Variants in CROCC2 observed in about 807,000 individuals in gnomAD.
CROCC2 encodes the protein ciliary rootlet coiled-coil, rootletin family member 2.
A neutral mutation model predicts 177.6 loss-of-function variants in CROCC2; 163 were observed. The observed-to-expected ratio is 0.92, with a 90% CI of 0.81 to 1.05. The LOEUF (loss-of-function observed/expected upper bound fraction) is 1.05, where lower values mean the gene tolerates loss of function less well. Ranked by LOEUF, CROCC2 falls within the 50% of genes least tolerant of loss-of-function variation. The pLI is 0.00. For missense variants in CROCC2, 1,929 were observed against 1,797.8 expected (o/e 1.07, Z -1.32); for synonymous variants, 904 against 787.3 (o/e 1.15, Z -2.48).
At position 240,917,408 on chromosome 2, in the gene CROCC2, G is replaced by A. The variant is rs1163294258; in HGVS notation, c.79-1318G>A. Among the ~76,000 whole-genome samples, 1 of 152,176 alleles carries A rather than the reference G, an allele frequency of 6.6e-6. No homozygotes were observed. The highest frequency in any genetic ancestry group is 1.5e-5 in the Non-Finnish European group (1 of 68,004). On this transcript the variant is annotated intron_variant, in intron 1 of 31. Transcript: ENST00000690015. The surrounding 1 kb of genome is among the most constrained non-coding windows in gnomAD (Gnocchi z 4.9). ...GTGCAGGAGGCCTGGCTGGGGTTGG[G>A]AGGAGGGTGGGGGAGCAGGGCACAG...
At position 240,946,973 on chromosome 2, in the gene CROCC2, G is replaced by A. The variant is rs531131738; in HGVS notation, c.2363+720G>A. ...CTCCCAGAAGTTGGGACGGGCACTCGCAGGCAAGAACAGGATGTGTGTAGG... is the reference window on the plus strand; with the variant it reads ...CTCCCAGAAGTTGGGACGGGCACTCACAGGCAAGAACAGGATGTGTGTAGG... On this transcript the variant is annotated intron_variant, in intron 15 of 31. Transcript: ENST00000690015. Among the ~76,000 whole-genome samples, 9 of 152,386 alleles carry A rather than the reference G, an allele frequency of 5.9e-5. No homozygotes were observed. The East Asian group carries it at 1.5e-3, about 26-fold the overall frequency.
chr2:240,950,536 G>A (rs2059548287), intron 18 of CROCC2, 26 bp downstream of exon 18: 1 of 1,535,678 alleles, frequency 6.5e-7, no homozygotes, highest in Admixed American at 2.0e-5. Context: ...GGGGGCAGCG[G>A]GATTGCTCAC....
chr2:240,971,132 C>T (rs1458483680), intron 27 of CROCC2, among the ~76,000 whole-genome samples: 18 of 152,202 alleles, frequency 1.2e-4, no homozygotes, highest in African/African-American at 4.3e-4. Context: ...ACCCCACGCC[C>T]CCCATCTCCA....
chr2:240,990,470 A>G (rs1462051625), intron 30 of CROCC2, among the ~76,000 whole-genome samples: 1 of 152,226 alleles, frequency 6.6e-6, no homozygotes, highest in Non-Finnish European at 1.5e-5. Flanking sequence ...AGGTGACCTG[A>G]CTGCCCAGTG....
intron 18 of CROCC2, chr2:240,955,507 G>C: frequency 4.2e-6 from 1 of 236,470 alleles, no homozygotes; most frequent in South Asian, 1.1e-4. Flanking sequence ...TGCCTAGAGG[G>C]ATGGGGGTGG....
At chr2:240,952,622 G>A (rs374828525) in intron 18 of CROCC2, among the ~76,000 whole-genome samples, 4 of 152,340 alleles carry the variant, frequency 2.6e-5, no homozygotes, top group African/African-American at 4.8e-5. Flanking sequence ...TGGAGAGGAC[G>A]TGGACATTGG....
intron 20 of CROCC2, among the ~76,000 whole-genome samples, chr2:240,962,283 G>C (rs536833279): frequency 1.3e-5 from 2 of 151,594 alleles, no homozygotes; most frequent in East Asian, 3.9e-4. Context: ...TCATGAGGCA[G>C]AGGGAGCGGG....
rs1030580411 is a variant in CROCC2 at position 240,935,419 on chromosome 2, G to A, written c.2000G>A (p.Arg667Gln). Residue 667 changes from arginine (R) to glutamine (Q), a missense_variant, in exon 14 of 32, where the codon CGG becomes CAG. Transcript: ENST00000690015. ...QRKTLEQERA[R>Q]AGEQLAQAEQ... is the part of the protein sequence containing the mutation. ...AAGACTCTGGAGCAGGAACGGGCCC[G>A]GGCCGGGGAGCAGCTGGCACAGGCG... is the stretch of plus-strand genomic sequence containing the variant. 4.2e-5 allele frequency: 58 copies of A among 1,377,032 alleles called. No individual in the cohort carries two copies. Among genetic ancestry groups the A allele is most frequent in the Middle Eastern group, 2.4e-4 (1 of 4,166 alleles). The allele number at this position is 1,377,032 out of a possible 1,614,324, so 85.3% of individuals were successfully genotyped here. A position where few individuals can be genotyped will look rare whatever the true frequency, so the allele number is the denominator to read the frequency against.
At chr2:240,912,121 C>T (rs975337313) in intron 1 of CROCC2, among the ~76,000 whole-genome samples, 5 of 152,160 alleles carry the variant, frequency 3.3e-5, no homozygotes, top group African/African-American at 7.2e-5. Context: ...TCCTCTCTGA[C>T]GTACGCACTT....
At chr2:240,957,429 G>C (rs2059598500) in intron 19 of CROCC2, 1 of 152,480 alleles carries the variant, frequency 6.6e-6, no homozygotes, top group Non-Finnish European at 1.5e-5. Context: ...CCAGGCGCGG[G>C]AGGCAGCCCC....
chr2:240,926,399 G>T (rs1180736432), intron 5 of CROCC2, among the ~76,000 whole-genome samples: 1 of 152,056 alleles, frequency 6.6e-6, no homozygotes, highest in East Asian at 1.9e-4. Flanking sequence ...AGGTGTTCAT[G>T]CCCTGCTCGG....
chr2:240,935,224 G>A, intron 13 of CROCC2, 134 bp from the exon 14 acceptor site: 3 of 1,196,086 alleles, frequency 2.5e-6, no homozygotes, highest in Non-Finnish European at 3.2e-6. Flanking sequence ...CAGGCCTGAG[G>A]GAGGGAAGAG....
chr2:240,926,858 G>A (rs972702456), intron 5 of CROCC2, among the ~76,000 whole-genome samples: 2 of 152,238 alleles, frequency 1.3e-5, no homozygotes, highest in African/African-American at 4.8e-5. Context: ...AGGAGTCATC[G>A]CCTATGCCAG....
intron 5 of CROCC2, among the ~76,000 whole-genome samples, chr2:240,927,296 G>A (rs750375613): frequency 1.3e-4 from 19 of 151,956 alleles, no homozygotes; most frequent in Non-Finnish European, 2.1e-4. Context: ...TGTTTATCCC[G>A]CTTTAGGGTT....
chr2:240,948,829 T>A, intron 15 of CROCC2, 150 bp from the exon 16 acceptor site: 1 of 740,678 alleles, frequency 1.4e-6, no homozygotes, highest in Non-Finnish European at 2.2e-6. Context: ...CAGCACATGG[T>A]GCTCCAGAGA....
intron 28 of CROCC2, among the ~76,000 whole-genome samples, chr2:240,987,563 T>C (rs2059848808): frequency 6.6e-6 from 1 of 152,220 alleles, no homozygotes; most frequent in Non-Finnish European, 1.5e-5. Flanking sequence ...ACTTTACCCA[T>C]GCAAATTATC....
In CROCC2 at chr2:240,961,794, C is replaced by T. The variant is rs1392415007; in HGVS notation, c.3088-1762C>T. 2.5e-5 allele frequency among the ~76,000 whole-genome samples: 3 copies of T among 122,170 alleles called. 1 individual carries two copies. The highest frequency in any genetic ancestry group is 5.0e-5 in the Non-Finnish European group (3 of 59,594). 80.1% of individuals were successfully genotyped at this position (122,170 alleles called of 152,430 possible). On this transcript the variant is annotated intron_variant, in intron 20 of 31. Coordinates refer to ENST00000690015, the MANE Select transcript of CROCC2 (RefSeq NM_001351305.2). ...CACACACACTCATCACACACACGCA[C>T]TCACACATACACTCACATACACTCA...
rs1380977205 is a variant in CROCC2, at chr2:240,953,126, G to C, written c.2829+2616G>C. On this transcript the variant is annotated intron_variant, in intron 18 of 31. Transcript: ENST00000690015. This position sits in a 1 kb window ranked among gnomAD's most constrained non-coding sequence, Gnocchi z 4.0. ...AAGAGAGGGGACCTCGGTCAAACAGGAGTGCAGGCTTGGTGGCTCATGCCT... is the reference window on the plus strand; with the variant it reads ...AAGAGAGGGGACCTCGGTCAAACAGCAGTGCAGGCTTGGTGGCTCATGCCT... 6.6e-6 allele frequency among the ~76,000 whole-genome samples: 1 copy of C among 152,136 alleles called. No homozygotes were observed. Among genetic ancestry groups the C allele is most frequent in the Non-Finnish European group, 1.5e-5 (1 of 68,030 alleles).
chr2:240,991,934 C>T (rs966639097), intron 31 of CROCC2, among the ~76,000 whole-genome samples: 4 of 152,204 alleles, frequency 2.6e-5, no homozygotes, highest in African/African-American at 4.8e-5. Flanking sequence ...CCAGGAACTG[C>T]GGCCGTCACG....
Sources: gnomAD v4.1 joint callset for allele counts (sites outside exome capture counted in the v4.1 genomes callset) on GRCh38, gnomAD v4.1.1 for gene constraint, Gnocchi (gnomAD v3.1) non-coding constraint, MANE v1.5 for transcripts, NCBI Gene and HGNC (gene_info 2026-07-23, HGNC 2026-07-21) for gene names.